Variants in TANC2 observed in about 807,000 individuals in gnomAD.
The protein encoded by TANC2 is protein TANC2.
Under a neutral mutation model 210.5 loss-of-function variants are expected in TANC2, and 26 were observed. The ratio of observed to expected loss-of-function variants is 0.12; its 90% CI spans 0.09 to 0.17. TANC2 has a LOEUF of 0.17. Among genes scored for constraint, TANC2 ranks in the 10% least tolerant of loss-of-function variants. The pLI, the probability that TANC2 is intolerant of heterozygous loss-of-function variation, is 1.00. For missense variants in TANC2, 2,129 were observed against 2,608.9 expected, an observed-to-expected ratio of 0.82 and a Z score of 4.01; for synonymous variants, 931 against 967.1, an observed-to-expected ratio of 0.96 and a Z score of 0.69.
intron 13 of TANC2, among the ~76,000 whole-genome samples, chr17:63,353,959 GA>G (rs144174780): frequency 0.021 from 3,199 of 152,204 alleles, 102 homozygotes; most frequent in African/African-American, 0.072. Context: ...GAGAGAATGG[GA>G]AGGAAAGAAT....
At chr17:63,156,224 A>G (rs550236972) in intron 5 of TANC2, among the ~76,000 whole-genome samples, 5 of 152,266 alleles carry the variant, frequency 3.3e-5, no homozygotes, top group East Asian at 1.9e-4. Context: ...TGTAAATACA[A>G]TAAGTATGAA....
Position 63,367,406 on chromosome 17 carries a change from A to G in TANC2, c.2582+12016A>G, listed in dbSNP as rs540258075. Among the ~76,000 whole-genome samples the G allele has an allele frequency of 1.2e-3, 182 of 152,164 alleles. 3 individuals are homozygous for G. Among genetic ancestry groups the G allele is most frequent in the South Asian group, 4.4e-3 (21 of 4,810 alleles). On this transcript the variant is annotated intron_variant, in intron 14 of 27. Coordinates refer to ENST00000689528, the Ensembl canonical transcript of TANC2. ...CAAAACATGATGAGATTTTTTTGCA[A>G]TTTTTTTAGCTCATCTGGTATCTGT...
At chr17:63,327,778 G>T (rs1005840848) in intron 11 of TANC2, among the ~76,000 whole-genome samples, 1 of 151,818 alleles carries the variant, frequency 6.6e-6, no homozygotes, top group Non-Finnish European at 1.5e-5. Context: ...ATCATTCATG[G>T]TTTTTTTTAT....
intron 26 of TANC2, among the ~76,000 whole-genome samples, chr17:63,416,895 A>G (rs1262107271): frequency 6.6e-6 from 1 of 152,204 alleles, no homozygotes; most frequent in Non-Finnish European, 1.5e-5. Flanking sequence ...CTCCTGTGAA[A>G]TGAAAGGAAC....
intron 4 of TANC2, among the ~76,000 whole-genome samples, chr17:63,144,831 GATT>G (rs1339753852): frequency 3.3e-5 from 5 of 152,020 alleles, no homozygotes; most frequent in Non-Finnish European, 7.4e-5. Flanking sequence ...ATTTGATAAA[GATT>G]ATCATATCAA....
At chr17:63,102,387 C>T (rs148729765) in intron 4 of TANC2, among the ~76,000 whole-genome samples, 28 of 148,728 alleles carry the variant, frequency 1.9e-4, no homozygotes, top group African/African-American at 5.9e-4. Flanking sequence ...TTTAGGGTCA[C>T]GGTAAGGAGC....
rs1053176028 is a variant in TANC2, at chr17:63,263,676, G to A, written c.1034-4072G>A. On this transcript the variant is annotated intron_variant, in intron 8 of 27. Transcript: ENST00000689528. ...AGAATTTTCCTCTGCCTTTGTAGAT[G>A]CAGTACAAAAGAAAGTCAGCAAGCC... 2.0e-5 allele frequency among the ~76,000 whole-genome samples: 3 copies of A among 152,156 alleles called. No homozygotes were observed. In the East Asian group the frequency reaches 5.8e-4, roughly 29 times the overall value.
At chr17:63,089,764 C>T (rs146791039) in intron 3 of TANC2, among the ~76,000 whole-genome samples, 11 of 152,180 alleles carry the variant, frequency 7.2e-5, no homozygotes, top group Middle Eastern at 3.4e-3. Flanking sequence ...AGAAATTATG[C>T]ATTGTTATTG....
At chr17:63,180,572 C>T (rs1197064621) in intron 5 of TANC2, among the ~76,000 whole-genome samples, 1 of 152,168 alleles carries the variant, frequency 6.6e-6, no homozygotes, top group African/African-American at 2.4e-5. Context: ...CTTTTTGCCT[C>T]ATCCTCCTCC....
chr17:63,067,127 T>G (rs1440909611), intron 2 of TANC2, among the ~76,000 whole-genome samples: 1 of 152,214 alleles, frequency 6.6e-6, no homozygotes, highest in Non-Finnish European at 1.5e-5. Context: ...TAAAGAAGAC[T>G]TGGAGTTTCA....
rs1477419551 is a variant in TANC2 at position 63,420,286 on chromosome 17, A to G, written c.4556A>G (p.Gln1519Arg). Residue 1519 changes from glutamine (Q) to arginine (R), a missense_variant, in exon 28 of 28, where the codon CAG (glutamine) becomes CGG (arginine). Physicochemically the swap from Gln to Arg is conservative, Grantham distance 43. This residue lies in a region of TANC2 where 584 missense variants were observed against 627.3 expected (regional missense o/e 0.93). Coordinates refer to ENST00000689528, the Ensembl canonical transcript of TANC2. This position sits in a 1 kb window ranked among gnomAD's most constrained non-coding sequence, Gnocchi z 4.2. ...CTCCAGACAGAGGCCCGGCCCAGCC[A>G]GGGGCTCCCGGTCATCCAGAGCCCA... 3.7e-6 allele frequency: 6 copies of G among 1,613,844 alleles called. No individual in the cohort carries two copies. The highest frequency in any genetic ancestry group is 5.1e-6 in the Non-Finnish European group (6 of 1,179,844).
chr17:63,362,424 C>T (rs534485231), intron 14 of TANC2, among the ~76,000 whole-genome samples: 1 of 152,340 alleles, frequency 6.6e-6, no homozygotes, highest in African/African-American at 2.4e-5. Context: ...GAAGGTGGGG[C>T]TTCACTGGGG....
At chr17:63,076,972 A>G (rs1192889422) in intron 3 of TANC2, among the ~76,000 whole-genome samples, 2 of 152,226 alleles carry the variant, frequency 1.3e-5, no homozygotes, top group East Asian at 3.8e-4. Context: ...GAAAATGGAA[A>G]AGAAATCATC....
chr17:63,244,497 GC>G (rs2146104225), intron 8 of TANC2, among the ~76,000 whole-genome samples: 1 of 152,228 alleles, frequency 6.6e-6, no homozygotes, highest in Admixed American at 6.5e-5. Context: ...TGGAAAGTTT[GC>G]CCCCATTTTA....
At chr17:63,354,151 A>T (rs1044402369) in intron 13 of TANC2, among the ~76,000 whole-genome samples, 1 of 152,132 alleles carries the variant, frequency 6.6e-6, no homozygotes, top group African/African-American at 2.4e-5. Flanking sequence ...GATGGAATCC[A>T]GTGCATAGGA....
At chr17:63,297,498 A>C (rs2044572350) in intron 9 of TANC2, among the ~76,000 whole-genome samples, 1 of 152,174 alleles carries the variant, frequency 6.6e-6, no homozygotes, top group Non-Finnish European at 1.5e-5. Context: ...AGACAACTGG[A>C]TATCTACCTG....
chr17:63,102,313 C>T (rs2037654646), intron 4 of TANC2, among the ~76,000 whole-genome samples: 1 of 149,354 alleles, frequency 6.7e-6, no homozygotes, highest in Non-Finnish European at 1.5e-5. Flanking sequence ...GACCCTGCCA[C>T]TAAAAAAAAT....
At chr17:63,316,839 A>G (rs4968762) in intron 10 of TANC2, among the ~76,000 whole-genome samples, 28,553 of 152,076 alleles carry the variant, frequency 0.19, 3,283 homozygotes, top group South Asian at 0.31. Flanking sequence ...TCTGTTACCT[A>G]TATGAACTGG....
At chr17:63,368,163 A>G (rs1380204115) in intron 14 of TANC2, among the ~76,000 whole-genome samples, 1 of 152,198 alleles carries the variant, frequency 6.6e-6, no homozygotes, top group East Asian at 1.9e-4. Context: ...AGGGATCAAA[A>G]GTGACGAGAT....
Sources: allele counts gnomAD v4.1 joint callset (sites outside exome capture counted in the v4.1 genomes callset), GRCh38; gene constraint gnomAD v4.1.1; regional missense constraint gnomAD v4.1.1; non-coding constraint Gnocchi (gnomAD v3.1); transcripts MANE v1.5; gene names NCBI Gene and HGNC (gene_info 2026-07-23, HGNC 2026-07-21).